Variants in RNF175 observed in about 807,000 individuals in gnomAD.
RNF175 encodes the protein ring finger protein 175.
A neutral mutation model predicts 50.0 loss-of-function variants in RNF175; 38 were observed. The observed-to-expected ratio is 0.76, with a 90% CI of 0.59 to 1.00. The LOEUF (loss-of-function observed/expected upper bound fraction) is 1.00. Ranked by LOEUF, RNF175 falls within the 50% of genes least tolerant of loss-of-function variation. The pLI is 0.00. For missense variants in RNF175, 388 were observed against 409.6 expected (o/e 0.95, Z 0.46); for synonymous variants, 155 against 146.1 (o/e 1.06, Z -0.44).
At chr4:153,715,457 G>A in intron 7 of RNF175, 72 bp downstream of exon 7, 1 of 1,203,068 alleles carries the variant, frequency 8.3e-7, no homozygotes, top group Non-Finnish European at 1.2e-6. Flanking sequence ...GATGGGGACA[G>A]GAGGAGGAGG....
chr4:153,727,147 T>G (rs1293877425), intron 4 of RNF175, among the ~76,000 whole-genome samples: 1 of 152,166 alleles, frequency 6.6e-6, no homozygotes, highest in African/African-American at 2.4e-5. Flanking sequence ...TCAGAGCACT[T>G]TCACAAATCT....
At chr4:153,730,421 C>T (rs1417431331) in intron 3 of RNF175, among the ~76,000 whole-genome samples, 2 of 151,526 alleles carry the variant, frequency 1.3e-5, no homozygotes, top group Non-Finnish European at 2.9e-5. Context: ...AGAGTTAGAC[C>T]CTGTCTTAAA....
intron 3 of RNF175, among the ~76,000 whole-genome samples, chr4:153,731,840 C>G (rs1739055834): frequency 6.6e-6 from 1 of 151,858 alleles, no homozygotes; most frequent in South Asian, 2.1e-4. Context: ...GTGGTGTGCT[C>G]AGAGGTAAGC....
intron 7 of RNF175, chr4:153,713,991 C>T (rs1560766272): frequency 6.6e-6 from 1 of 152,198 alleles, no homozygotes; most frequent in South Asian, 2.1e-4. Context: ...GATAACCCAT[C>T]CTTGTTAATA....
At chr4:153,727,270 G>A (rs755145279) in intron 4 of RNF175, among the ~76,000 whole-genome samples, 2 of 152,052 alleles carry the variant, frequency 1.3e-5, no homozygotes, top group Non-Finnish European at 2.9e-5. Context: ...AGTTTATAAG[G>A]TCTCCTACCA....
intron 1 of RNF175, among the ~76,000 whole-genome samples, chr4:153,754,712 A>C (rs569651122): frequency 6.6e-6 from 1 of 152,322 alleles, no homozygotes; most frequent in African/African-American, 2.4e-5. Flanking sequence ...AAGGAGCGGA[A>C]GATTTGACAT....
At chr4:153,753,126 C>T (rs11099902) in intron 1 of RNF175, among the ~76,000 whole-genome samples, 70,269 of 151,918 alleles carry the variant, frequency 0.46, 17,093 homozygotes, top group East Asian at 0.82. Context: ...CGGAAAGGGA[C>T]ACTGGGACAC....
intron 3 of RNF175, 94 bp from the exon 4 acceptor site, chr4:153,728,455 C>T: frequency 1.0e-6 from 1 of 1,003,312 alleles, no homozygotes; most frequent in Non-Finnish European, 1.6e-6. Context: ...GCTGGGAGAA[C>T]CACCTTCACC....
At chr4:153,729,541 A>G (rs1030949980) in intron 3 of RNF175, 1 of 303,804 alleles carries the variant, frequency 3.3e-6, no homozygotes, top group Non-Finnish European at 4.8e-6. Context: ...GATCCTTTAA[A>G]CAGGTCTTGG....
intron 5 of RNF175, among the ~76,000 whole-genome samples, chr4:153,720,911 A>G (rs1047013128): frequency 2.6e-5 from 4 of 152,182 alleles, no homozygotes; most frequent in African/African-American, 9.7e-5. Context: ...CTTTCTAATG[A>G]TCTTTCCTAA....
chr4:153,710,547 A>C (rs933087778), intron 8 of RNF175, 58 bp from the exon 9 acceptor site: 45 of 1,520,190 alleles, frequency 3.0e-5, no homozygotes, highest in Non-Finnish European at 3.9e-5. Flanking sequence ...AATATTCATA[A>C]ATGTCATTTG....
chr4:153,754,394 G>C (rs965555369), intron 1 of RNF175, among the ~76,000 whole-genome samples: 1 of 152,144 alleles, frequency 6.6e-6, no homozygotes, highest in Non-Finnish European at 1.5e-5. Flanking sequence ...ACTGCAGTGA[G>C]GTAGTCTGGG....
At chr4:153,714,620 C>CT (rs951054275) in intron 7 of RNF175, 9 of 152,254 alleles carry the variant, frequency 5.9e-5, no homozygotes, top group African/African-American at 1.9e-4. Context: ...AAATGATACC[C>CT]TTTTTTGTAT....
At chr4:153,736,850 A>T (rs1739378116) in intron 3 of RNF175, among the ~76,000 whole-genome samples, 1 of 151,614 alleles carries the variant, frequency 6.6e-6, no homozygotes, top group African/African-American at 2.4e-5. Context: ...AGTAATGATG[A>T]TCTCATTTTC....
intron 7 of RNF175, chr4:153,713,093 A>G (rs1737698327): frequency 6.6e-6 from 1 of 152,478 alleles, no homozygotes; most frequent in African/African-American, 2.4e-5. Context: ...CTTGACTTTT[A>G]AAAGTACTGA....
At chr4:153,738,396 A>C (rs1283970041) in intron 3 of RNF175, among the ~76,000 whole-genome samples, 1 of 151,540 alleles carries the variant, frequency 6.6e-6, no homozygotes, top group African/African-American at 2.4e-5. Context: ...TTGTTGCCCA[A>C]GCTGGTCTCG....
intron 6 of RNF175, among the ~76,000 whole-genome samples, chr4:153,718,226 G>GTTTTTTTTTT (rs1325216298): frequency 4.9e-4 from 15 of 30,574 alleles, no homozygotes; most frequent in African/African-American, 6.5e-4. Flanking sequence ...TTGTTTGTTT[G>GTTTTTTTTTT]TTTGTTTGTT....
intron 3 of RNF175, among the ~76,000 whole-genome samples, chr4:153,741,875 G>C (rs960619206): frequency 6.6e-6 from 1 of 151,860 alleles, no homozygotes; most frequent in Non-Finnish European, 1.5e-5. Flanking sequence ...AAAAGTAATT[G>C]CTGTTTTTGC....
At chr4:153,723,486 CAG>C in intron 4 of RNF175, 28 bp from the exon 5 acceptor site, 1 of 973,074 alleles carries the variant, frequency 1.0e-6, no homozygotes, top group Non-Finnish European at 1.7e-6. Flanking sequence ...GGGAGAAACA[CAG>C]AACACAGAAA....
Sources: gnomAD v4.1 joint callset for allele counts (sites outside exome capture counted in the v4.1 genomes callset) on GRCh38, gnomAD v4.1.1 for gene constraint, MANE v1.5 for transcripts, NCBI Gene and HGNC (gene_info 2026-07-23, HGNC 2026-07-21) for gene names.